Variants in DDX27 observed in about 807,000 individuals in gnomAD.
The protein encoded by DDX27 is DEAD-box helicase 27.
Under a neutral mutation model 99.3 loss-of-function variants are expected in DDX27, and 42 were observed. The ratio of observed to expected loss-of-function variants is 0.42; its 90% confidence interval spans 0.33 to 0.55. The LOEUF (loss-of-function observed/expected upper bound fraction) is 0.55, where lower values mean the gene tolerates loss of function less well. DDX27 is among the 20% of genes least tolerant of loss of function. The pLI, the probability that DDX27 is intolerant of heterozygous loss-of-function variation, is 0.07. For synonymous variants in DDX27, 329 were observed against 353.8 expected, an observed-to-expected ratio of 0.93 and a Z score of 0.79; for missense variants, 798 against 976.8, an observed-to-expected ratio of 0.82 and a Z score of 2.44.
rs1336195974 is a variant in DDX27, at chr20:49,227,019, C to T, written c.706+484C>T. On this transcript the variant is annotated intron_variant, in intron 7 of 20. Coordinates refer to ENST00000618172, the MANE Select transcript of DDX27 (RefSeq NM_017895.8). ...CTGGGACTACAGGCGCCCGCCACTA[C>T]GCCCGGCTAATTTTTTGTATTTTTA... Among the ~76,000 whole-genome samples the T allele has an allele frequency of 1.7e-4, 25 of 150,652 alleles. 1 individual carries two copies. Among genetic ancestry groups the T allele is most frequent in the Middle Eastern group, 6.8e-3 (2 of 292 alleles).
intron 6 of DDX27, among the ~76,000 whole-genome samples, chr20:49,225,876 C>T (rs575895537): frequency 5.8e-4 from 89 of 152,260 alleles, no homozygotes; most frequent in African/African-American, 2.1e-3. Context: ...CAAGGCTCTG[C>T]CCCTTCTGGC....
In DDX27 at chr20:49,236,467, A is replaced by G. The variant is rs1284208709; in HGVS notation, c.1644A>G (p.Val548=). ...EDERKMLKEI[V]KAAKAPVKAR... Reference sequence around the variant, plus strand: ...AGCGGAAGATGCTGAAGGAGATTGTAAAAGCTGCCAAGGCCCCTGTGAAGG... The same window carrying G: ...AGCGGAAGATGCTGAAGGAGATTGTGAAAGCTGCCAAGGCCCCTGTGAAGG... The change falls in exon 14 of 21, where the codon GTA becomes GTG. Residue 548 remains valine, a synonymous_variant. Coordinates refer to ENST00000618172, the MANE Select transcript of DDX27 (RefSeq NM_017895.8). This position sits in a 1 kb window ranked among gnomAD's most constrained non-coding sequence, Gnocchi z 4.1. 3.1e-6 allele frequency: 5 copies of G among 1,610,920 alleles called. No individual in the cohort carries two copies. Among genetic ancestry groups the G allele is most frequent in the Non-Finnish European group, 3.4e-6 (4 of 1,178,494 alleles).
chr20:49,220,828 A>C (rs557863121), intron 1 of DDX27, among the ~76,000 whole-genome samples: 1 of 150,966 alleles, frequency 6.6e-6, no homozygotes, highest in Non-Finnish European at 1.5e-5. Flanking sequence ...ATTGCTAAAA[A>C]CAAAACAAAA....
At position 49,229,319 on chromosome 20, in the gene DDX27, C is replaced by T. The variant is rs542386836; in HGVS notation, c.880+431C>T. On this transcript the variant is annotated intron_variant, in intron 8 of 20. Coordinates refer to ENST00000618172, the MANE Select transcript of DDX27 (RefSeq NM_017895.8). ...TGCTGGAATTACAGGCATGAGCCACCGCACCCAGCCGACATGTTTTCATAG... is the reference window on the plus strand; with the variant it reads ...TGCTGGAATTACAGGCATGAGCCACTGCACCCAGCCGACATGTTTTCATAG... Among the ~76,000 whole-genome samples the T allele has an allele frequency of 5.7e-4, 87 of 152,218 alleles. 1 individual carries two copies. The highest frequency in any genetic ancestry group is 1.9e-3 in the African/African-American group (80 of 41,522).
At chr20:49,238,836 C>T in intron 14 of DDX27, 113 bp from the exon 15 acceptor site, 4 of 594,352 alleles carry the variant, frequency 6.7e-6, no homozygotes, top group South Asian at 5.7e-5. Flanking sequence ...CCTCAAATTC[C>T]TGGGCTCAAG....
chr20:49,220,220 G>A (rs770419264), intron 1 of DDX27, among the ~76,000 whole-genome samples: 5 of 152,040 alleles, frequency 3.3e-5, no homozygotes, highest in Non-Finnish European at 7.4e-5. Context: ...CCCTTCTCAA[G>A]CCAGAAACCT....
chr20:49,239,147 C>T, intron 15 of DDX27, 89 bp from the exon 16 acceptor site: 1 of 1,518,644 alleles, frequency 6.6e-7, no homozygotes, highest in Non-Finnish European at 9.1e-7. Context: ...AATGTTTCTC[C>T]CATCAGAGCC....
intron 19 of DDX27, 124 bp from the exon 20 acceptor site, chr20:49,243,505 G>C: frequency 1.2e-6 from 1 of 809,762 alleles, no homozygotes; most frequent in Non-Finnish European, 2.1e-6. Context: ...TTAGAACTTA[G>C]GGCCTGAAAA....
chr20:49,228,855 C>A lies in DDX27; in HGVS notation c.847C>A (p.Gln283Lys). The change falls in exon 8 of 21, where the codon CAG (glutamine) becomes AAG (lysine). Residue 283 changes from glutamine (Q) to lysine (K), a missense_variant. Physicochemically the swap from Gln to Lys is moderately conservative, Grantham distance 53. Transcript: ENST00000618172. ...GCACTCTGTCACCAGACAGCTGGCC[C>A]AGTTCTGCAACATCACCACCTGCCT... ...QVHSVTRQLA[Q>K]FCNITTCLAV... 1.9e-6 allele frequency: 3 copies of A among 1,607,214 alleles called. No individual in the cohort carries two copies.
chr20:49,221,160 C>G (rs1189440501), intron 1 of DDX27, among the ~76,000 whole-genome samples: 2 of 152,128 alleles, frequency 1.3e-5, no homozygotes, highest in African/African-American at 4.8e-5. Flanking sequence ...CAGGGTTTCA[C>G]CATATTGGCC....
chr20:49,221,703 C>G, intron 2 of DDX27, 105 bp downstream of exon 2: 1 of 951,184 alleles, frequency 1.1e-6, no homozygotes. Context: ...TTACATTCAG[C>G]AGATACTACA....
intron 11 of DDX27, chr20:49,234,001 T>C (rs1437085010): frequency 2.9e-6 from 1 of 339,844 alleles, no homozygotes; most frequent in Non-Finnish European, 5.5e-6. Context: ...CCTGGATCGT[T>C]GCGCAGCCTC....
intron 9 of DDX27, among the ~76,000 whole-genome samples, chr20:49,231,471 A>T (rs1234176159): frequency 3.3e-5 from 5 of 152,198 alleles, no homozygotes; most frequent in Admixed American, 2.0e-4. Flanking sequence ...AAACTATTCA[A>T]GTATGTACCT....
chr20:49,239,348 G>A lies in DDX27; in HGVS notation c.1897+10G>A, dbSNP rs1438997076. 3.8e-6 allele frequency: 6 copies of A among 1,597,394 alleles called. No homozygotes were observed. Among genetic ancestry groups the A allele is most frequent in the South Asian group, 1.1e-5 (1 of 90,180 alleles). On this transcript the variant is annotated intron_variant, in intron 16 of 20. Coordinates refer to ENST00000618172, the MANE Select transcript of DDX27 (RefSeq NM_017895.8). Reference sequence around the variant, plus strand: ...AGGAAGAAGGAGAAAAGTAAGTCAGGGAGGTTCCGCAGAAATCTAAATACA... The same window carrying A: ...AGGAAGAAGGAGAAAAGTAAGTCAGAGAGGTTCCGCAGAAATCTAAATACA...
chr20:49,236,598 T>C lies in DDX27; in HGVS notation c.1687+88T>C, dbSNP rs1043125482. 4 of 1,318,952 alleles carry C rather than the reference T, an allele frequency of 3.0e-6. No homozygotes were observed. The highest frequency in any genetic ancestry group is 4.0e-6 in the Non-Finnish European group (4 of 1,003,406). 81.7% of individuals were successfully genotyped at this position (1,318,952 alleles called of 1,614,324 possible). A position where few individuals can be genotyped will look rare whatever the true frequency, so the allele number is the denominator to read the frequency against. ...ATGGCTGAGAGCAGGTACTTTGCAG[T>C]TCAGAGCCAGATTTGAATTCCAGCC... On this transcript the variant is annotated intron_variant, in intron 14 of 20. Transcript: ENST00000618172. The surrounding 1 kb of genome is among the most constrained non-coding windows in gnomAD (Gnocchi z 4.1).
Position 49,228,867 on chromosome 20 carries a change from A to T in DDX27, c.859A>T (p.Ile287Phe), listed in dbSNP as rs756347792. 2 of 1,600,354 alleles carry T rather than the reference A, an allele frequency of 1.2e-6. No homozygotes were observed. The highest frequency in any genetic ancestry group is 2.7e-5 in the African/African-American group (2 of 74,638). Residue 287 changes from isoleucine to phenylalanine, a missense_variant, in exon 8 of 21, where the codon ATC becomes TTC. Around this residue, in one of 2 missense-constraint regions of DDX27, gnomAD observed 553 missense variants for 727.9 expected, o/e 0.76. Coordinates refer to ENST00000618172, the MANE Select transcript of DDX27 (RefSeq NM_017895.8). ...CAGACAGCTGGCCCAGTTCTGCAAC[A>T]TCACCACCTGCCTGGCTGTGGGTGA... ...VTRQLAQFCN[I>F]TTCLAVGGLD... is the part of the protein sequence containing the mutation.
chr20:49,223,029 G>T lies in DDX27; in HGVS notation c.300+13G>T, dbSNP rs1386300472. On this transcript the variant is annotated intron_variant, in intron 3 of 20. Coordinates refer to ENST00000618172, the MANE Select transcript of DDX27 (RefSeq NM_017895.8). ...AAGGAAAACAGAGGTGAGAAGAAAA[G>T]TGGCTATTTTTCGTTGTTAGGGCCC... is the stretch of plus-strand genomic sequence containing the variant. 2 of 1,611,290 alleles carry T rather than the reference G, an allele frequency of 1.2e-6. No individual in the cohort carries two copies. The highest frequency in any genetic ancestry group is 1.7e-6 in the Non-Finnish European group (2 of 1,178,410).
intron 11 of DDX27, chr20:49,234,630 G>C (rs1303057113): frequency 4.1e-6 from 1 of 246,878 alleles, no homozygotes; most frequent in Non-Finnish European, 7.8e-6. Context: ...CATTTCCTCT[G>C]TCTAGAATCT....
rs771235198 is a variant in DDX27, at chr20:49,219,524, G to C, written c.76G>C (p.Gly26Arg). The C allele has an allele frequency of 6.2e-7, 1 of 1,613,648 alleles. No homozygotes were observed. Among genetic ancestry groups the C allele is most frequent in the Non-Finnish European group, 8.5e-7 (1 of 1,179,822 alleles). Residue 26 changes from glycine to arginine, a missense_variant, in exon 1 of 21, where the codon GGG (glycine) becomes CGG (arginine). Gly to Arg is a moderately radical substitution (Grantham distance 125). Around this residue, in one of 2 missense-constraint regions of DDX27, gnomAD observed 245 missense variants for 248.8 expected, o/e 0.98. Transcript: ENST00000618172. ...EVPVEPESDSGDEEEEGPIVL... is the reference protein window; with the variant it reads ...EVPVEPESDSRDEEEEGPIVL... ...GCCGGTGGAGCCCGAGTCTGACTCCGGGGACGAGGAAGAGGAGGTATGAGC... is the reference window on the plus strand; with the variant it reads ...GCCGGTGGAGCCCGAGTCTGACTCCCGGGACGAGGAAGAGGAGGTATGAGC...
Sources: allele counts gnomAD v4.1 joint callset (sites outside exome capture counted in the v4.1 genomes callset), GRCh38; gene constraint gnomAD v4.1.1; regional missense constraint gnomAD v4.1.1; non-coding constraint Gnocchi (gnomAD v3.1); transcripts MANE v1.5; gene names NCBI Gene and HGNC (gene_info 2026-07-23, HGNC 2026-07-21).